The following NUP160 variants were observed in gnomAD, a reference collection of about 807,000 sequenced individuals.
NUP160 encodes nuclear pore complex protein Nup160.
NUP160 carries 94 observed loss-of-function variants against 196.9 expected under a neutral mutation model. The ratio of observed to expected loss-of-function variants is 0.48; its 90% CI spans 0.40 to 0.57. The LOEUF (loss-of-function observed/expected upper bound fraction) is 0.57, where lower values mean the gene tolerates loss of function less well. Ranked by LOEUF, NUP160 falls within the 20% of genes least tolerant of loss-of-function variation. The pLI is 0.00. For missense variants in NUP160, 1,638 were observed against 1,748.3 expected, an observed-to-expected ratio of 0.94 and a Z score of 1.13; for synonymous variants, 605 against 619.7, an observed-to-expected ratio of 0.98 and a Z score of 0.35.
chr11:47,839,793 G>A (rs1478030907), intron 4 of NUP160, 50 bp downstream of exon 4: 4 of 1,453,034 alleles, frequency 2.8e-6, no homozygotes, highest in Non-Finnish European at 3.9e-6. Context: ...CTGTTTCAAT[G>A]TTAACATTCC....
chr11:47,839,402 A>C (rs10838777), intron 4 of NUP160: 56,502 of 160,870 alleles, frequency 0.35, 11,490 homozygotes, highest in South Asian at 0.52. Flanking sequence ...TTGGGTTTTA[A>C]ATATATCAGT....
intron 5 of NUP160, 42 bp downstream of exon 5, chr11:47,837,503 A>C: frequency 6.8e-7 from 1 of 1,472,880 alleles, no homozygotes; most frequent in Non-Finnish European, 9.5e-7. Context: ...CAAAAAGATT[A>C]AATTCTTGGG....
chr11:47,816,185 G>A (rs1435981498), intron 11 of NUP160, among the ~76,000 whole-genome samples, 156 bp from the exon 12 acceptor site: 1 of 152,210 alleles, frequency 6.6e-6, no homozygotes, highest in Non-Finnish European at 1.5e-5. Context: ...GAAACTGGGT[G>A]TATTTAGTCT....
At chr11:47,808,638 TA>T in intron 17 of NUP160, 109 bp from the exon 18 acceptor site, 1 of 806,588 alleles carries the variant, frequency 1.2e-6, no homozygotes, top group Non-Finnish European at 1.8e-6. Context: ...AAGGTCACAA[TA>T]CTGTAAAAGC....
At chr11:47,803,046 G>A (rs1253534377) in intron 22 of NUP160, among the ~76,000 whole-genome samples, 3 of 151,494 alleles carry the variant, frequency 2.0e-5, no homozygotes, top group Non-Finnish European at 2.9e-5. Flanking sequence ...GGCCAAACGC[G>A]GTGGCTTATG....
chr11:47,781,391 T>C (rs1278466212), intron 34 of NUP160, among the ~76,000 whole-genome samples: 2 of 151,902 alleles, frequency 1.3e-5, no homozygotes. Flanking sequence ...GCTTCCCACA[T>C]AGCTGGGACT....
chr11:47,808,920 T>C (rs2097679322), intron 17 of NUP160, among the ~76,000 whole-genome samples: 3 of 151,642 alleles, frequency 2.0e-5, no homozygotes, highest in African/African-American at 7.3e-5. Context: ...GACAACACAG[T>C]GAAACCCCGT....
intron 25 of NUP160, 21 bp from the exon 26 acceptor site, chr11:47,798,095 A>G: frequency 3.2e-6 from 5 of 1,553,046 alleles, no homozygotes; most frequent in Non-Finnish European, 4.4e-6. Flanking sequence ...AGAAAGGAAT[A>G]TGAGGGCAAA....
intron 17 of NUP160, among the ~76,000 whole-genome samples, chr11:47,811,484 GAAAA>G (rs1380863683): frequency 2.1e-5 from 2 of 97,286 alleles, no homozygotes; most frequent in African/African-American, 7.1e-5. Flanking sequence ...ATTGTCTCAA[GAAAA>G]AAAAAAAAAG....
At chr11:47,812,580 T>G (rs753787175) in intron 15 of NUP160, 151 bp from the exon 16 acceptor site, 20 of 776,428 alleles carry the variant, frequency 2.6e-5, no homozygotes, top group Non-Finnish European at 3.8e-5. Flanking sequence ...TCCCTATGCA[T>G]AGCAAATTTC....
At chr11:47,837,052 C>A (rs1240270057) in intron 5 of NUP160, 51 bp from the exon 6 acceptor site, 7 of 1,030,658 alleles carry the variant, frequency 6.8e-6, no homozygotes, top group Middle Eastern at 4.1e-4. Context: ...AGAATCTGAT[C>A]ATTAGAATTT....
chr11:47,790,577 A>T (rs545105751), intron 29 of NUP160, among the ~76,000 whole-genome samples: 1 of 152,226 alleles, frequency 6.6e-6, no homozygotes, highest in Admixed American at 6.5e-5. Flanking sequence ...GTACTCTTAA[A>T]AGAAAATGTT....
intron 29 of NUP160, among the ~76,000 whole-genome samples, chr11:47,788,815 C>T (rs1303515206): frequency 6.6e-6 from 1 of 151,882 alleles, no homozygotes; most frequent in Non-Finnish European, 1.5e-5. Flanking sequence ...AGTATTTTAA[C>T]CGACTGCAGT....
At chr11:47,787,974 G>C (rs533852721) in intron 31 of NUP160, among the ~76,000 whole-genome samples, 2 of 151,864 alleles carry the variant, frequency 1.3e-5, no homozygotes, top group African/African-American at 4.8e-5. Flanking sequence ...CGCCCGCCTC[G>C]GCCTCCCAAA....
intron 33 of NUP160, chr11:47,784,654 G>GT (rs2135342049): frequency 4.6e-6 from 1 of 215,740 alleles, no homozygotes; most frequent in Non-Finnish European, 9.1e-6. Context: ...CCCAAAGTAC[G>GT]TAAGTCAATA....
chr11:47,822,859 G>A (rs761017445), intron 7 of NUP160, among the ~76,000 whole-genome samples: 48 of 152,096 alleles, frequency 3.2e-4, no homozygotes, highest in Admixed American at 1.0e-3. Context: ...TCAGAATGAT[G>A]GTTTCCAGCT....
At chr11:47,819,570 T>C in intron 9 of NUP160, 112 bp from the exon 10 acceptor site, 1 of 588,812 alleles carries the variant, frequency 1.7e-6, no homozygotes, top group African/African-American at 1.9e-5. Flanking sequence ...CGGCAATGAC[T>C]GCTTCATCAA....
intron 29 of NUP160, among the ~76,000 whole-genome samples, chr11:47,790,344 C>T (rs2097667203): frequency 6.6e-6 from 1 of 152,108 alleles, no homozygotes; most frequent in Middle Eastern, 3.2e-3. Flanking sequence ...ACTGCAACCT[C>T]AGCCTCCCGA....
chr11:47,793,920 T>C lies in NUP160; in HGVS notation c.3290-974A>G, dbSNP rs933632293. Among the ~76,000 whole-genome samples, 4 of 151,876 alleles carry C rather than the reference T, an allele frequency of 2.6e-5. No homozygotes were observed. In the South Asian group the frequency reaches 8.3e-4, roughly 32 times the overall value. The stretch of plus-strand genomic sequence containing the variant: ...CACACCTGGCTAATTTTTAAAGACA[T>C]TTTTAAAGAAGAAAATTCTGACGCC... On this transcript the variant is annotated intron_variant, in intron 27 of 35. Coordinates refer to ENST00000378460, the Ensembl canonical transcript of NUP160.
Sources: allele counts gnomAD v4.1 joint callset (sites outside exome capture counted in the v4.1 genomes callset), GRCh38; gene constraint gnomAD v4.1.1; transcripts MANE v1.5; gene names NCBI Gene and HGNC (gene_info 2026-07-23, HGNC 2026-07-21).